Variants in CSMD2 observed in about 807,000 individuals in gnomAD.
CSMD2 encodes CUB and Sushi multiple domains 2, also known as CUB and sushi domain-containing protein 2.
Under a neutral mutation model 398.5 loss-of-function variants are expected in CSMD2, and 130 were observed. The ratio of observed to expected loss-of-function variants is 0.33; its 90% CI spans 0.28 to 0.38. The LOEUF is 0.38. Ranked by LOEUF, CSMD2 falls within the 10% of genes least tolerant of loss-of-function variation. The probability of loss-of-function intolerance (pLI) is 1.00; values close to 1 mark genes in which losing one functional copy is unlikely to be tolerated. For missense variants in CSMD2, 3,829 were observed against 4,764.9 expected (o/e 0.80, Z 5.78); for synonymous variants, 1,828 against 1,908.5 (o/e 0.96, Z 1.10).
At chr1:33,749,391 G>A (rs1295304961) in intron 13 of CSMD2, among the ~76,000 whole-genome samples, 3 of 152,158 alleles carry the variant, frequency 2.0e-5, no homozygotes, top group South Asian at 2.1e-4. Flanking sequence ...GAGCCACTGC[G>A]CCCAGCCAAT....
At chr1:33,752,177 CAAA>C (rs4044502) in intron 13 of CSMD2, among the ~76,000 whole-genome samples, 44,002 of 151,956 alleles carry the variant, frequency 0.29, 7,901 homozygotes, top group African/African-American at 0.51. Flanking sequence ...AAACAACAAA[CAAA>C]AAAATATATA....
At chr1:33,611,355 T>C in intron 40 of CSMD2, 105 bp from the exon 41 acceptor site, 1 of 967,380 alleles carries the variant, frequency 1.0e-6, no homozygotes. Flanking sequence ...TCCCTGCTAC[T>C]GATTTCCCAC....
chr1:33,543,065 G>C (rs2078248), intron 57 of CSMD2, among the ~76,000 whole-genome samples, 169 bp from the exon 58 acceptor site: 24,960 of 152,052 alleles, frequency 0.16, 2,574 homozygotes, highest in East Asian at 0.34. Context: ...AGGAAGGAGA[G>C]ACCCCTATGA....
intron 22 of CSMD2, among the ~76,000 whole-genome samples, chr1:33,700,962 C>T (rs980500059): frequency 6.6e-5 from 10 of 152,112 alleles, no homozygotes; most frequent in African/African-American, 2.2e-4. Flanking sequence ...TTCTTGTTCC[C>T]GCAATGCCCA....
intron 2 of CSMD2, among the ~76,000 whole-genome samples, chr1:34,039,471 T>C (rs950313905): frequency 2.0e-5 from 3 of 152,208 alleles, no homozygotes; most frequent in Non-Finnish European, 4.4e-5. Context: ...TTGAGGGTTG[T>C]TTGCTACCAC....
intron 13 of CSMD2, among the ~76,000 whole-genome samples, chr1:33,765,311 C>A (rs1367873384): frequency 6.6e-6 from 1 of 152,044 alleles, no homozygotes; most frequent in Non-Finnish European, 1.5e-5. Context: ...TCTAGCTCTG[C>A]CAGATATTAG....
Position 33,772,484 on chromosome 1 carries a change from A to C in CSMD2, c.1846+85T>G. 5 of 1,320,320 alleles carry C rather than the reference A, an allele frequency of 3.8e-6. No homozygotes were observed. In the South Asian group the frequency reaches 6.8e-5, roughly 18 times the overall value. The allele number at this position is 1,320,320 out of a possible 1,614,324, so 81.8% of individuals were successfully genotyped here. ...TGTTGTTACAACCTGCAAGGTTCCCAGGGACGGGGCCCCTGGATTAGCTAG... is the reference window on the plus strand; with the variant it reads ...TGTTGTTACAACCTGCAAGGTTCCCCGGGACGGGGCCCCTGGATTAGCTAG... On this transcript the variant is annotated intron_variant, in intron 13 of 70. Transcript: ENST00000373381.
chr1:33,789,482 C>T (rs1208036526), intron 11 of CSMD2, among the ~76,000 whole-genome samples: 2 of 152,370 alleles, frequency 1.3e-5, no homozygotes, highest in South Asian at 4.1e-4. Context: ...CCAAGGTCAA[C>T]CTGATACAGT....
chr1:34,103,330 GCT>G (rs1660185416), intron 1 of CSMD2, among the ~76,000 whole-genome samples: 1 of 116,864 alleles, frequency 8.6e-6, no homozygotes, highest in African/African-American at 3.4e-5. Flanking sequence ...CCAGATTCTC[GCT>G]CTGTCAACCA....
intron 40 of CSMD2, among the ~76,000 whole-genome samples, chr1:33,613,096 C>G (rs1305992521): frequency 1.3e-5 from 2 of 152,052 alleles, no homozygotes; most frequent in Admixed American, 6.5e-5. Context: ...TGCAGCAGCT[C>G]TTTACACGCT....
chr1:33,665,534 C>T (rs531504064), intron 25 of CSMD2, among the ~76,000 whole-genome samples: 41 of 123,278 alleles, frequency 3.3e-4, no homozygotes, highest in Non-Finnish European at 5.5e-4. Context: ...GTGGTGCAAT[C>T]GTAACTCACT....
chr1:33,693,642 T>G (rs1236416157), intron 24 of CSMD2, among the ~76,000 whole-genome samples: 1 of 152,230 alleles, frequency 6.6e-6, no homozygotes, highest in East Asian at 1.9e-4. Context: ...TGAACATGAA[T>G]GTTCATAGCA....
intron 1 of CSMD2, among the ~76,000 whole-genome samples, chr1:34,157,176 G>A (rs1313349035): frequency 2.6e-5 from 4 of 152,134 alleles, no homozygotes; most frequent in Non-Finnish European, 5.9e-5. Context: ...CAGCATTTTA[G>A]GATTCATGCT....
chr1:33,581,799 A>G (rs568259721), intron 47 of CSMD2, among the ~76,000 whole-genome samples: 2 of 152,288 alleles, frequency 1.3e-5, no homozygotes, highest in African/African-American at 4.8e-5. Flanking sequence ...AACCCATAAC[A>G]CAGGATTTAT....
In CSMD2 at chr1:33,726,660, C is replaced by T. The variant is rs773732681; in HGVS notation, c.2394G>A (p.Ser798=). ...CCGGAGAGAGGATGGTGCCGCTGGGCGAAGTCAGGTGACCACCACAGGGAG... is the reference window on the plus strand; with the variant it reads ...CCGGAGAGAGGATGGTGCCGCTGGGTGAAGTCAGGTGACCACCACAGGGAG... ...CEAPCGGHLT[S]PSGTILSPGW... is the part of the protein sequence containing the mutation. Residue 798 remains serine (S), a synonymous_variant, in exon 16 of 71, where the codon TCG becomes TCA. Coordinates refer to ENST00000373381, the MANE Select transcript of CSMD2 (RefSeq NM_001281956.2). 24 of 1,611,914 alleles carry T rather than the reference C, an allele frequency of 1.5e-5. No homozygotes were observed. In the East Asian group the frequency reaches 1.6e-4, roughly 10 times the overall value.
At chr1:33,667,822 T>G (rs553669789) in intron 25 of CSMD2, among the ~76,000 whole-genome samples, 2 of 152,238 alleles carry the variant, frequency 1.3e-5, no homozygotes, top group African/African-American at 4.8e-5. Flanking sequence ...AGGCTAAAGT[T>G]CAAGCCCCTT....
At chr1:33,867,100 T>A (rs1481509953) in intron 5 of CSMD2, among the ~76,000 whole-genome samples, 1 of 152,166 alleles carries the variant, frequency 6.6e-6, no homozygotes, top group African/African-American at 2.4e-5. Flanking sequence ...GCAAAGGAGA[T>A]GGGATGTCAC....
intron 50 of CSMD2, 85 bp from the exon 51 acceptor site, chr1:33,571,811 A>C (rs1659623887): frequency 9.8e-7 from 1 of 1,019,808 alleles, no homozygotes; most frequent in South Asian, 3.4e-5. Flanking sequence ...AGGGACTTGG[A>C]GACCTTAATG....
At chr1:34,160,293 C>T (rs538793962) in intron 1 of CSMD2, among the ~76,000 whole-genome samples, 2 of 152,330 alleles carry the variant, frequency 1.3e-5, no homozygotes, top group South Asian at 2.1e-4. Context: ...TTTTTAAAAA[C>T]CATAAACCCT....
Sources: gnomAD v4.1 joint callset for allele counts (sites outside exome capture counted in the v4.1 genomes callset) on GRCh38, gnomAD v4.1.1 for gene constraint, MANE v1.5 for transcripts, NCBI Gene and HGNC (gene_info 2026-07-23, HGNC 2026-07-21) for gene names.